Variants in HCRTR2 observed in about 807,000 individuals in gnomAD.
HCRTR2 encodes hypocretin receptor 2, also known as orexin receptor type 2.
In HCRTR2, 22 loss-of-function variants were observed where a neutral mutation model predicts 49.0. That is an observed-to-expected ratio of 0.45 (90% CI 0.32 to 0.64). The LOEUF is 0.64. Ranked by LOEUF, HCRTR2 falls within the 30% of genes least tolerant of loss-of-function variation. The probability of loss-of-function intolerance (pLI) is 0.04; values close to 1 mark genes in which losing one functional copy is unlikely to be tolerated. For synonymous variants in HCRTR2, 236 were observed against 205.3 expected (o/e 1.15, Z -1.28); for missense variants, 491 against 559.4 (o/e 0.88, Z 1.23).
At chr6:55,115,054 G>A (rs541199579) in intron 1 of HCRTR2, among the ~76,000 whole-genome samples, 105 of 151,878 alleles carry the variant, frequency 6.9e-4, no homozygotes, top group African/African-American at 2.4e-3. Context: ...ACAGAGCTGT[G>A]GGTGAGAATT....
intron 1 of HCRTR2, among the ~76,000 whole-genome samples, chr6:55,226,718 T>G (rs1051872618): frequency 5.2e-5 from 7 of 133,416 alleles, no homozygotes; most frequent in Non-Finnish European, 9.6e-5. Context: ...GGTGTTTTTT[T>G]TTTTTTTTTT....
intron 1 of HCRTR2, among the ~76,000 whole-genome samples, chr6:55,107,225 A>T (rs138067686): frequency 1.3e-5 from 2 of 152,092 alleles, no homozygotes; most frequent in African/African-American, 4.8e-5. Flanking sequence ...TTATAGCATT[A>T]TCTTTGAAAT....
chr6:55,245,488 T>TATATATATATATATATATATAC (rs1282011452), intron 1 of HCRTR2, among the ~76,000 whole-genome samples: 14 of 132,494 alleles, frequency 1.1e-4, no homozygotes, highest in African/African-American at 3.7e-4. Flanking sequence ...TATATATATA[T>TATATATATATATATATATATAC]ATATATATAT....
At position 55,202,941 on chromosome 6, in the gene HCRTR2, A is replaced by G. The variant is rs111375977; in HGVS notation, c.223+28131A>G. Among the ~76,000 whole-genome samples the G allele has an allele frequency of 2.2e-3, 338 of 152,248 alleles. 3 individuals carry two copies. The highest frequency in any genetic ancestry group is 7.3e-3 in the African/African-American group (303 of 41,538). On this transcript the variant is annotated intron_variant, in intron 1 of 6. Transcript: ENST00000370862. ...CTTAAGCTTCAGCAGCTCCAATTTT[A>G]TCTGTGTAATATTTGGTTCCACATC...
chr6:55,224,058 T>C (rs527539402), intron 1 of HCRTR2, among the ~76,000 whole-genome samples: 2 of 152,338 alleles, frequency 1.3e-5, no homozygotes, highest in South Asian at 2.1e-4. Context: ...TAATGAGTCA[T>C]CTTAGAGTTA....
At chr6:55,108,990 C>T (rs1301105279) in intron 1 of HCRTR2, among the ~76,000 whole-genome samples, 2 of 151,994 alleles carry the variant, frequency 1.3e-5, no homozygotes, top group Non-Finnish European at 2.9e-5. Flanking sequence ...CATGGCAGTC[C>T]ACCTCACTCC....
At chr6:55,212,608 C>A (rs1057250287) in intron 1 of HCRTR2, among the ~76,000 whole-genome samples, 75 of 152,080 alleles carry the variant, frequency 4.9e-4, no homozygotes, top group African/African-American at 1.8e-3. Context: ...GCATATGATA[C>A]CCAAAGTTTC....
intron 1 of HCRTR2, among the ~76,000 whole-genome samples, chr6:55,193,968 A>T (rs2127280066): frequency 6.6e-6 from 1 of 152,242 alleles, no homozygotes; most frequent in East Asian, 1.9e-4. Flanking sequence ...TGTCTCTTTA[A>T]CACTGAATAA....
chr6:55,277,656 T>A, intron 5 of HCRTR2, 56 bp downstream of exon 5: 1 of 1,249,762 alleles, frequency 8.0e-7, no homozygotes, highest in Non-Finnish European at 1.1e-6. Flanking sequence ...TGATTCTTAA[T>A]TAACTTTTTT....
At chr6:55,240,819 G>A (rs114944877) in intron 1 of HCRTR2, 9,699 of 414,514 alleles carry the variant, frequency 0.023, 183 homozygotes, top group Middle Eastern at 0.054. Context: ...TTTGAAAATA[G>A]GAGTTAAATA....
At chr6:55,210,807 A>AT (rs1201353963) in intron 1 of HCRTR2, among the ~76,000 whole-genome samples, 3 of 152,140 alleles carry the variant, frequency 2.0e-5, no homozygotes, top group African/African-American at 7.2e-5. Context: ...ACAATAAACG[A>AT]TTTTGTTGGG....
intron 1 of HCRTR2, among the ~76,000 whole-genome samples, chr6:55,184,755 A>C (rs1239345884): frequency 6.6e-6 from 1 of 152,196 alleles, no homozygotes; most frequent in East Asian, 1.9e-4. Context: ...CAATGATTAA[A>C]AATTATAATA....
intron 1 of HCRTR2, among the ~76,000 whole-genome samples, chr6:55,151,640 T>C (rs865972928): frequency 2.0e-5 from 3 of 152,174 alleles, no homozygotes; most frequent in Middle Eastern, 3.4e-3. Context: ...CTCCTGTTAA[T>C]GTTGATATTT....
At chr6:55,143,505 C>T (rs1764537576) in intron 1 of HCRTR2, among the ~76,000 whole-genome samples, 1 of 152,156 alleles carries the variant, frequency 6.6e-6, no homozygotes, top group Non-Finnish European at 1.5e-5. Flanking sequence ...TATTGCTTTG[C>T]TTAGAAAATG....
intron 1 of HCRTR2, among the ~76,000 whole-genome samples, chr6:55,196,466 C>T (rs1200889072): frequency 6.6e-6 from 1 of 152,180 alleles, no homozygotes; most frequent in Non-Finnish European, 1.5e-5. Flanking sequence ...AGATCTTTCC[C>T]TTTGCCACAT....
At chr6:55,233,095 CTT>C (rs144244052) in intron 1 of HCRTR2, among the ~76,000 whole-genome samples, 7 of 144,334 alleles carry the variant, frequency 4.8e-5, no homozygotes, top group East Asian at 2.0e-4. Context: ...AATAAAGCTG[CTT>C]TTTTTTTTTT....
At chr6:55,235,119 A>G (rs536861843) in intron 1 of HCRTR2, among the ~76,000 whole-genome samples, 41 of 152,280 alleles carry the variant, frequency 2.7e-4, no homozygotes, top group African/African-American at 7.7e-4. Context: ...TTAAAAACAG[A>G]TAACAATTAA....
At chr6:55,273,938 T>C (rs999809172) in intron 4 of HCRTR2, among the ~76,000 whole-genome samples, 1 of 151,962 alleles carries the variant, frequency 6.6e-6, no homozygotes, top group African/African-American at 2.4e-5. Context: ...ACCTTTATTA[T>C]AAATCTTGAA....
intron 1 of HCRTR2, among the ~76,000 whole-genome samples, chr6:55,188,198 T>C (rs1406840583): frequency 6.6e-6 from 1 of 152,230 alleles, no homozygotes; most frequent in Non-Finnish European, 1.5e-5. Flanking sequence ...CACAGTGTCA[T>C]ACACATTTTC....
Sources: allele counts gnomAD v4.1 joint callset (sites outside exome capture counted in the v4.1 genomes callset), GRCh38; gene constraint gnomAD v4.1.1; transcripts MANE v1.5; gene names NCBI Gene and HGNC (gene_info 2026-07-23, HGNC 2026-07-21).